Variants in ATP1A2 observed in about 807,000 individuals in gnomAD.
ATP1A2 encodes the protein sodium/potassium-transporting ATPase subunit alpha-2.
In ATP1A2, 56 loss-of-function variants were observed where a neutral mutation model predicts 113.1. The ratio of observed to expected loss-of-function variants is 0.49; its 90% CI spans 0.40 to 0.62. The LOEUF (loss-of-function observed/expected upper bound fraction) is 0.62. Ranked by LOEUF, ATP1A2 falls within the 20% of genes least tolerant of loss-of-function variation. The pLI, the probability that ATP1A2 is intolerant of heterozygous loss-of-function variation, is 0.00. For missense variants in ATP1A2, 712 were observed against 1,357.8 expected (o/e 0.52, Z 7.47); for synonymous variants, 490 against 526.8 (o/e 0.93, Z 0.96).
intron 4 of ATP1A2, 46 bp downstream of exon 4, chr1:160,123,462 A>G (rs1280724329): frequency 4.3e-6 from 7 of 1,611,922 alleles, no homozygotes; most frequent in African/African-American, 1.3e-5. Context: ...ACTGTCCTCC[A>G]ACCCTGAACC....
chr1:160,132,145 G>C (rs1651794784), intron 13 of ATP1A2, among the ~76,000 whole-genome samples: 1 of 152,228 alleles, frequency 6.6e-6, no homozygotes, highest in Admixed American at 6.5e-5. Context: ...AAAGCAGTGA[G>C]GGAGAGGAAG....
chr1:160,136,141 GC>G (rs1651928576), intron 17 of ATP1A2, 105 bp from the exon 18 acceptor site: 1 of 1,600,960 alleles, frequency 6.2e-7, no homozygotes, highest in Non-Finnish European at 8.6e-7. Context: ...CTGAATACAC[GC>G]TTTTTTAACT....
chr1:160,129,185 G>A (rs1651688659), intron 10 of ATP1A2, 81 bp from the exon 11 acceptor site: 1 of 1,610,370 alleles, frequency 6.2e-7, no homozygotes, highest in Non-Finnish European at 8.5e-7. Flanking sequence ...TGGCTGCCTT[G>A]GGGGTTTCAG....
At position 160,141,022 on chromosome 1, in the gene ATP1A2, C is replaced by T. The variant is rs113857348; in HGVS notation, c.3035-272C>T. Reference sequence around the variant, plus strand: ...GGATTGCAGGCGCATGCCACTATGCCCGACTAATTTTTTGTATTTTTAGTA... The same window carrying T: ...GGATTGCAGGCGCATGCCACTATGCTCGACTAATTTTTTGTATTTTTAGTA... On this transcript the variant is annotated intron_variant, in intron 22 of 22. Coordinates refer to ENST00000361216, the MANE Select transcript of ATP1A2 (RefSeq NM_000702.4). Among the ~76,000 whole-genome samples, 5,926 of 152,074 alleles carry T rather than the reference C, an allele frequency of 0.039. 165 individuals are homozygous for T. The highest frequency in any genetic ancestry group is 0.068 in the Middle Eastern group (20 of 294).
intron 4 of ATP1A2, among the ~76,000 whole-genome samples, 178 bp downstream of exon 4, chr1:160,123,594 C>G (rs982591560): frequency 1.3e-5 from 2 of 152,222 alleles, no homozygotes; most frequent in Non-Finnish European, 2.9e-5. Flanking sequence ...ACTCCTCCGC[C>G]AACAGTGCAT....
At position 160,128,789 on chromosome 1, in the gene ATP1A2, C is replaced by T. The variant is rs759207376; in HGVS notation, c.1155C>T (p.Thr385=). The change falls in exon 9 of 23, where the codon ACC becomes ACT. Residue 385 remains threonine (T), a synonymous_variant. Transcript: ENST00000361216. The part of the protein sequence containing the change: ...KTGTLTQNRM[T]VAHMWFDNQI... ...GCACCCTCACCCAGAACCGCATGAC[C>T]GTCGCCCACATGTGGTTCGACAACC... 9.3e-6 allele frequency: 15 copies of T among 1,614,070 alleles called. No individual in the cohort carries two copies. The highest frequency in any genetic ancestry group is 8.9e-5 in the East Asian group (4 of 44,890).
In ATP1A2 at chr1:160,137,043, C is replaced by G. The variant is rs1558009287; in HGVS notation, c.2840+12C>G. The G allele has an allele frequency of 2.5e-6, 4 of 1,614,024 alleles. No individual in the cohort carries two copies. Among genetic ancestry groups the G allele is most frequent in the Non-Finnish European group, 2.5e-6 (3 of 1,180,016 alleles). ...CAGCAGGGCATGAAGTGAGTGCCCA[C>G]CCCCATGGCACCTACCCACCCAGGC... On this transcript the variant is annotated intron_variant, in intron 20 of 22. Transcript: ENST00000361216.
At chr1:160,119,919 G>A (rs541835886) in intron 1 of ATP1A2, among the ~76,000 whole-genome samples, 1 of 151,982 alleles carries the variant, frequency 6.6e-6, no homozygotes, top group East Asian at 1.9e-4. Flanking sequence ...CTACTTGAGA[G>A]GCTGAGGTGG....
chr1:160,142,961 CCTAT>C lies in ATP1A2; in HGVS notation c.*1643_*1646del, dbSNP rs533473532. ...GGAGATAGCTTTCTTTCCCTTACTC[CCTAT>C]CTAACACTTTTGCTCTGCAGGCAGC... On this transcript the variant is annotated 3_prime_UTR_variant, in exon 23 of 23. Coordinates refer to ENST00000361216, the MANE Select transcript of ATP1A2 (RefSeq NM_000702.4). 1.5e-4 allele frequency: 23 copies of C among 152,318 alleles called. No homozygotes were observed. The highest frequency in any genetic ancestry group is 5.1e-4 in the African/African-American group (21 of 41,560). The allele number at this position is 152,318 out of a possible 1,614,324, so 9.4% of individuals were successfully genotyped here.
intron 20 of ATP1A2, among the ~76,000 whole-genome samples, chr1:160,137,533 A>C (rs2101996940): frequency 6.6e-6 from 1 of 152,238 alleles, no homozygotes; most frequent in South Asian, 2.1e-4. Flanking sequence ...GGTGGGTATT[A>C]CTGTTTACAT....
rs1219005191 is a variant in ATP1A2 at position 160,121,220 on chromosome 1, TG to T, written c.149del (p.Gly50AlafsTer120). ...GACCACAAGCTGTCCTTGGATGAGC[TG>T]GGCCGCAAATACCAAGTGGACCTGT... Reference protein sequence around the residue: ...MDDHKLSLDELGRKYQVDLSK... With the variant: ...MDDHKLSLDEXGRKYQVDLSK... On this transcript the variant is annotated frameshift_variant, in exon 3 of 23. Coordinates refer to ENST00000361216, the MANE Select transcript of ATP1A2 (RefSeq NM_000702.4). LOFTEE classifies it high-confidence loss of function. The T allele has an allele frequency of 6.2e-7, 1 of 1,614,208 alleles. No individual in the cohort carries two copies. Among genetic ancestry groups the T allele is most frequent in the South Asian group, 1.1e-5 (1 of 91,082 alleles).
chr1:160,117,565 G>A (rs1432019949), intron 1 of ATP1A2, among the ~76,000 whole-genome samples: 3 of 152,182 alleles, frequency 2.0e-5, no homozygotes, highest in African/African-American at 4.8e-5. Context: ...GCTGGGTGAG[G>A]TGGGGGTATT....
chr1:160,124,171 C>G (rs985982973), intron 5 of ATP1A2, 115 bp downstream of exon 5: 9 of 1,554,864 alleles, frequency 5.8e-6, no homozygotes, highest in African/African-American at 4.1e-5. Flanking sequence ...GATCCTCCAG[C>G]TTTCCATGCC....
Position 160,120,949 on chromosome 1 carries a change from G to T in ATP1A2, c.56G>T (p.Gly19Val), listed in dbSNP as rs757373744. Residue 19 changes from glycine to valine, a missense_variant, in exon 2 of 23, where the codon GGG becomes GTG. By Grantham distance (109) the Gly-to-Val change is moderately radical (BLOSUM62 -3). Coordinates refer to ENST00000361216, the MANE Select transcript of ATP1A2 (RefSeq NM_000702.4). ...CCTGCCGCCACCACGGCAGAGAATG[G>T]GGGCGGCAAGAAGAAACAGAAGGAG... ...YSPAATTAENGGGKKKQKEKE... is the reference protein window; with the variant it reads ...YSPAATTAENVGGKKKQKEKE... 4 of 1,611,308 alleles carry T rather than the reference G, an allele frequency of 2.5e-6. No individual in the cohort carries two copies. The highest frequency in any genetic ancestry group is 2.7e-5 in the African/African-American group (2 of 74,850).
intron 5 of ATP1A2, 45 bp downstream of exon 5, chr1:160,124,101 G>A (rs1236327874): frequency 1.9e-6 from 3 of 1,606,168 alleles, no homozygotes; most frequent in East Asian, 2.2e-5. Context: ...TAAGGTTTTG[G>A]CAAGAGTCCA....
rs560190108 is a variant in ATP1A2, at chr1:160,142,978, C to T, written c.*1656C>T. 4 of 152,344 alleles carry T rather than the reference C, an allele frequency of 2.6e-5. No individual in the cohort carries two copies. The highest frequency in any genetic ancestry group is 1.9e-4 in the East Asian group (1 of 5,182). 9.4% of individuals were successfully genotyped at this position (152,344 alleles called of 1,614,324 possible). On this transcript the variant is annotated 3_prime_UTR_variant, in exon 23 of 23. Coordinates refer to ENST00000361216, the MANE Select transcript of ATP1A2 (RefSeq NM_000702.4). ...CCTTACTCCCTATCTAACACTTTTG[C>T]TCTGCAGGCAGCCTTGCCCATTCTC...
Position 160,136,755 on chromosome 1 carries a change from G to T in ATP1A2, c.2709+40G>T, listed in dbSNP as rs139414855. ...GTAAACACAGCGCACATGTGTGAAG[G>T]TACGGGAAGCTGAATGCCTGGCAGG... On this transcript the variant is annotated intron_variant, in intron 19 of 22. Transcript: ENST00000361216. 2.0e-4 allele frequency: 319 copies of T among 1,614,156 alleles called. 3 individuals carry two copies. In the African/African-American group the frequency reaches 3.9e-3, roughly 20 times the overall value.
intron 1 of ATP1A2, among the ~76,000 whole-genome samples, chr1:160,117,319 C>G (rs1651217959): frequency 6.6e-6 from 1 of 152,170 alleles, no homozygotes; most frequent in South Asian, 2.1e-4. Flanking sequence ...ATAAGCCCTC[C>G]ATTTCCCCCA....
Position 160,127,633 on chromosome 1 carries a change from T to G in ATP1A2, c.830T>G (p.Val277Gly). The change falls in exon 8 of 23, where the codon GTT becomes GGT. Residue 277 changes from valine to glycine, a missense_variant. Physicochemically the swap from Val to Gly is moderately radical, Grantham distance 109 (BLOSUM62 -3). Around this residue, in one of 6 missense-constraint regions of ATP1A2, gnomAD observed 99 missense variants for 180.4 expected, o/e 0.55. Coordinates refer to ENST00000361216, the MANE Select transcript of ATP1A2 (RefSeq NM_000702.4). ...GCTACTCTCGCCTCAGGCCTGGAGG[T>G]TGGGCGGACACCCATAGCAATGGAG... Reference protein sequence around the residue: ...RIATLASGLEVGRTPIAMEIE... With the variant: ...RIATLASGLEGGRTPIAMEIE... The G allele has an allele frequency of 6.2e-7, 1 of 1,614,172 alleles. No individual in the cohort carries two copies. The highest frequency in any genetic ancestry group is 8.5e-7 in the Non-Finnish European group (1 of 1,180,020).
Sources: gnomAD v4.1 joint callset for allele counts (sites outside exome capture counted in the v4.1 genomes callset) on GRCh38, gnomAD v4.1.1 for gene constraint, gnomAD v4.1.1 regional missense constraint, MANE v1.5 for transcripts, NCBI Gene and HGNC (gene_info 2026-07-23, HGNC 2026-07-21) for gene names.